The following TMC2 variants were observed in gnomAD, a reference collection of about 807,000 sequenced individuals.
TMC2 encodes transmembrane channel like 2.
Under a neutral mutation model 105.9 loss-of-function variants are expected in TMC2, and 102 were observed. The observed-to-expected ratio is 0.96, with a 90% CI of 0.82 to 1.14. The LOEUF (loss-of-function observed/expected upper bound fraction) is 1.14. Ranked by LOEUF, TMC2 falls within the 50% of genes most tolerant of loss-of-function variation. TMC2 has a pLI of 0.00. For missense variants in TMC2, 1,093 were observed against 1,134.3 expected, an observed-to-expected ratio of 0.96 and a Z score of 0.52; for synonymous variants, 402 against 422.8, an observed-to-expected ratio of 0.95 and a Z score of 0.60.
chr20:2,609,551 A>G (rs1170783250), intron 11 of TMC2, among the ~76,000 whole-genome samples: 2 of 152,210 alleles, frequency 1.3e-5, no homozygotes, highest in Admixed American at 1.3e-4. Context: ...CCGTGATCAA[A>G]TAAGATGTTT....
chr20:2,538,985 C>T (rs1017024870), intron 2 of TMC2, among the ~76,000 whole-genome samples: 2 of 152,142 alleles, frequency 1.3e-5, no homozygotes, highest in African/African-American at 4.8e-5. Context: ...TACTGTGTTC[C>T]TTGAAAAGAA....
intron 5 of TMC2, 52 bp from the exon 6 acceptor site, chr20:2,579,094 T>G: frequency 9.6e-7 from 1 of 1,040,320 alleles, no homozygotes; most frequent in South Asian, 1.3e-5. Context: ...TGCCCCTTTG[T>G]GCTCCAGGTT....
At position 2,592,788 on chromosome 20, in the gene TMC2, C is replaced by T. The variant is rs960849908; in HGVS notation, c.933+380C>T. 7.9e-5 allele frequency among the ~76,000 whole-genome samples: 12 copies of T among 152,188 alleles called. No individual in the cohort carries two copies. The highest frequency in any genetic ancestry group is 2.7e-4 in the African/African-American group (11 of 41,428). On this transcript the variant is annotated intron_variant, in intron 8 of 19. Transcript: ENST00000358864. The surrounding 1 kb of genome is among the most constrained non-coding windows in gnomAD (Gnocchi z 4.9). Reference sequence around the variant, plus strand: ...TCTTCAACTGAATGTCCTACTTGCTCTTCAAATGCAACACCTATCCAGCCA... The same window carrying T: ...TCTTCAACTGAATGTCCTACTTGCTTTTCAAATGCAACACCTATCCAGCCA...
chr20:2,567,724 A>AATGCTTC, intron 4 of TMC2, among the ~76,000 whole-genome samples: 1 of 152,286 alleles, frequency 6.6e-6, no homozygotes, highest in East Asian at 1.9e-4. Context: ...CCATCATAAA[A>AATGCTTC]ATGCTTCAAT....
At chr20:2,594,678 G>A (rs2086292562) in intron 8 of TMC2, 147 bp from the exon 9 acceptor site, 1 of 766,640 alleles carries the variant, frequency 1.3e-6, no homozygotes, top group Admixed American at 2.9e-5. Flanking sequence ...GGAGGTGAAG[G>A]GAAGAACAAG....
chr20:2,543,001 C>T (rs181974869), intron 2 of TMC2, among the ~76,000 whole-genome samples: 1 of 152,040 alleles, frequency 6.6e-6, no homozygotes, highest in Non-Finnish European at 1.5e-5. Context: ...CTTTGGGAGG[C>T]CAAGGTGGGC....
At chr20:2,581,771 G>A (rs1018271100) in intron 7 of TMC2, among the ~76,000 whole-genome samples, 15 of 152,130 alleles carry the variant, frequency 9.9e-5, no homozygotes, top group Admixed American at 2.6e-4. Flanking sequence ...AAGGACACTC[G>A]GTTGCTTTTT....
intron 7 of TMC2, among the ~76,000 whole-genome samples, chr20:2,589,891 G>A (rs879530985): frequency 2.0e-5 from 3 of 152,090 alleles, no homozygotes; most frequent in South Asian, 2.1e-4. Context: ...GGATGGTCTC[G>A]ATCTTCTGAC....
chr20:2,568,818 GT>G (rs1443159418), intron 4 of TMC2, among the ~76,000 whole-genome samples: 1 of 152,134 alleles, frequency 6.6e-6, no homozygotes, highest in African/African-American at 2.4e-5. Context: ...TTGACCCTGG[GT>G]TTAGGAGTAG....
chr20:2,636,133 G>GA, intron 18 of TMC2, 129 bp downstream of exon 18: 1 of 715,588 alleles, frequency 1.4e-6, no homozygotes, highest in Non-Finnish European at 2.5e-6. Flanking sequence ...CAAAATATCT[G>GA]TATTATGGGA....
Position 2,602,181 on chromosome 20 carries a change from C to G in TMC2, c.1293C>G (p.Val431=), listed in dbSNP as rs767695950. The G allele has an allele frequency of 1.1e-5, 18 of 1,613,344 alleles. No homozygotes were observed. Among genetic ancestry groups the G allele is most frequent in the Non-Finnish European group, 1.4e-5 (17 of 1,179,680 alleles). Residue 431 remains valine (V), a synonymous_variant, in exon 11 of 20, where the codon GTC becomes GTG. Coordinates refer to ENST00000358864, the MANE Select transcript of TMC2 (RefSeq NM_080751.3). ...TCCATCTGACAAGATTTCTTCGTGT[C>G]CTGGCCAACTTTCTCATCATCTGCT... ...ENIHLTRFLR[V]LANFLIICCL... is the part of the protein sequence containing the mutation.
intron 14 of TMC2, 97 bp downstream of exon 14, chr20:2,613,419 G>A (rs2086457958): frequency 6.4e-7 from 1 of 1,554,242 alleles, no homozygotes; most frequent in East Asian, 2.3e-5. Context: ...TCATTTCTTT[G>A]GAAGCTTAAT....
chr20:2,638,406 C>T (rs1014222246), intron 19 of TMC2, among the ~76,000 whole-genome samples: 2 of 151,734 alleles, frequency 1.3e-5, no homozygotes, highest in African/African-American at 4.8e-5. Flanking sequence ...ACAGAATACT[C>T]AATAATGATA....
In TMC2 at chr20:2,637,964, C is replaced by T. The variant is rs377652202; in HGVS notation, c.2503+373C>T. On this transcript the variant is annotated intron_variant, in intron 19 of 19. Coordinates refer to ENST00000358864, the MANE Select transcript of TMC2 (RefSeq NM_080751.3). ...CTGAATAATTCCTATTGCCAAGTGA[C>T]GTAACTGTCAACATTGTAGCAAAAC... Among the ~76,000 whole-genome samples the T allele has an allele frequency of 9.2e-5, 14 of 152,292 alleles. No homozygotes were observed. In the East Asian group the frequency reaches 1.5e-3, roughly 17 times the overall value.
At chr20:2,634,122 T>C (rs1001957300) in intron 17 of TMC2, among the ~76,000 whole-genome samples, 2 of 152,184 alleles carry the variant, frequency 1.3e-5, no homozygotes, top group Non-Finnish European at 2.9e-5. Context: ...TTTCAAGAAA[T>C]GGCTGCTCCT....
chr20:2,552,173 G>A (rs2085960793), intron 2 of TMC2, among the ~76,000 whole-genome samples: 1 of 152,144 alleles, frequency 6.6e-6, no homozygotes, highest in Admixed American at 6.5e-5. Context: ...TGGGAGGATT[G>A]CTTGAGAGCA....
chr20:2,558,429 G>A lies in TMC2; in HGVS notation c.83-27G>A. On this transcript the variant is annotated intron_variant, in intron 2 of 19. Transcript: ENST00000358864. The surrounding 1 kb of genome is among the most constrained non-coding windows in gnomAD (Gnocchi z 4.6). ...CCTGGGCCTGAGGCCGTTGGAACCA[G>A]AACTGTCCATTTTCCCGCCCCGGCA... is the stretch of plus-strand genomic sequence containing the variant. 1 of 1,550,838 alleles carries A rather than the reference G, an allele frequency of 6.4e-7. No individual in the cohort carries two copies. The highest frequency in any genetic ancestry group is 8.7e-7 in the Non-Finnish European group (1 of 1,147,100).
chr20:2,589,324 G>GTGTGTGTGTGTGTGT (rs71193978), intron 7 of TMC2, among the ~76,000 whole-genome samples: 224 of 148,824 alleles, frequency 1.5e-3, no homozygotes, highest in East Asian at 3.6e-3. Context: ...GTGTGTGTGT[G>GTGTGTGTGTGTGTGT]GAGATGGGGT....
At chr20:2,589,093 T>C (rs2086250102) in intron 7 of TMC2, among the ~76,000 whole-genome samples, 1 of 152,220 alleles carries the variant, frequency 6.6e-6, no homozygotes, top group South Asian at 2.1e-4. Context: ...TCTTTTAGTT[T>C]TTAGTCAAGC....
Sources: gnomAD v4.1 joint callset for allele counts (sites outside exome capture counted in the v4.1 genomes callset) on GRCh38, gnomAD v4.1.1 for gene constraint, Gnocchi (gnomAD v3.1) non-coding constraint, MANE v1.5 for transcripts, NCBI Gene and HGNC (gene_info 2026-07-23, HGNC 2026-07-21) for gene names.